Variants in ITPR1 observed in about 807,000 individuals in gnomAD.
The protein encoded by ITPR1 is inositol 1,4,5-trisphosphate-gated calcium channel ITPR1.
A neutral mutation model predicts 318.4 loss-of-function variants in ITPR1; 96 were observed. That is an observed-to-expected ratio of 0.30 (90% confidence interval 0.26 to 0.36). The LOEUF is 0.36. Among genes scored for constraint, ITPR1 ranks in the 10% least tolerant of loss-of-function variants. ITPR1 has a pLI of 1.00. For synonymous variants in ITPR1, 1,312 were observed against 1,289.9 expected (o/e 1.02, Z -0.37); for missense variants, 2,440 against 3,460.2 (o/e 0.71, Z 7.40).
At chr3:4,746,923 C>A (rs1255993466) in intron 44 of ITPR1, among the ~76,000 whole-genome samples, 1 of 152,240 alleles carries the variant, frequency 6.6e-6, no homozygotes, top group Non-Finnish European at 1.5e-5. Context: ...CTCCCCAGCA[C>A]TCAGACTGTA....
At chr3:4,521,905 A>G (rs2082600296) in intron 4 of ITPR1, among the ~76,000 whole-genome samples, 1 of 152,132 alleles carries the variant, frequency 6.6e-6, no homozygotes, top group African/African-American at 2.4e-5. Context: ...AAAACAAGAC[A>G]TAGGCAGGGC....
intron 37 of ITPR1, 63 bp downstream of exon 37, chr3:4,706,414 A>C: frequency 7.0e-7 from 1 of 1,431,202 alleles, no homozygotes; most frequent in Non-Finnish European, 9.5e-7. Context: ...CACACACAGC[A>C]GTGCATCCTT....
intron 13 of ITPR1, 118 bp from the exon 14 acceptor site, chr3:4,660,870 T>C (rs1389460212): frequency 3.8e-6 from 2 of 522,890 alleles, no homozygotes; most frequent in East Asian, 6.2e-5. Flanking sequence ...TACTGCCCAG[T>C]GTATGCAGTA....
chr3:4,759,708 A>T (rs1221178322), intron 44 of ITPR1, among the ~76,000 whole-genome samples: 1 of 152,158 alleles, frequency 6.6e-6, no homozygotes, highest in Non-Finnish European at 1.5e-5. Flanking sequence ...TTATCCTAAG[A>T]TGGTGTTTTG....
intron 4 of ITPR1, among the ~76,000 whole-genome samples, chr3:4,569,946 C>T (rs1275052974): frequency 6.6e-6 from 1 of 152,112 alleles, no homozygotes; most frequent in African/African-American, 2.4e-5. Flanking sequence ...GGGAGTTTAA[C>T]ATTTTTAAAT....
intron 3 of ITPR1, among the ~76,000 whole-genome samples, chr3:4,519,174 C>CT (rs1186830231): frequency 6.6e-6 from 1 of 152,140 alleles, no homozygotes; most frequent in East Asian, 1.9e-4. Context: ...GTCATCTGAG[C>CT]TTGACTGGGG....
intron 18 of ITPR1, among the ~76,000 whole-genome samples, chr3:4,668,479 T>G (rs1469800379): frequency 1.3e-5 from 2 of 152,046 alleles, no homozygotes; most frequent in African/African-American, 2.4e-5. Flanking sequence ...TTTTTCTTTT[T>G]TTTTTTAAGA....
At position 4,630,798 on chromosome 3, in the gene ITPR1, G is replaced by C. The variant is rs573078605; in HGVS notation, c.279+2920G>C. ...AGGCAGCATTTCACCATGTTGGCCA[G>C]GCTGGTCTCGAACTCCTGACCTCAA... is the stretch of plus-strand genomic sequence containing the variant. On this transcript the variant is annotated intron_variant, in intron 5 of 61. Coordinates refer to ENST00000649015, the MANE Select transcript of ITPR1 (RefSeq NM_001378452.1). Among the ~76,000 whole-genome samples the C allele has an allele frequency of 4.6e-5, 7 of 152,098 alleles. No homozygotes were observed. In the South Asian group the frequency reaches 1.0e-3, roughly 23 times the overall value.
At chr3:4,707,700 AG>A (rs1286619578) in intron 37 of ITPR1, among the ~76,000 whole-genome samples, 1 of 152,208 alleles carries the variant, frequency 6.6e-6, no homozygotes, top group African/African-American at 2.4e-5. Context: ...AGGAAAATAG[AG>A]TGCACATAAA....
intron 4 of ITPR1, among the ~76,000 whole-genome samples, chr3:4,584,571 T>G (rs1316494663): frequency 3.3e-5 from 5 of 151,648 alleles, no homozygotes; most frequent in East Asian, 1.9e-4. Context: ...TTTTTTTTTT[T>G]TGTGAAAGGA....
intron 53 of ITPR1, among the ~76,000 whole-genome samples, chr3:4,798,036 A>G (rs1192561779): frequency 5.3e-5 from 8 of 152,216 alleles, no homozygotes; most frequent in African/African-American, 1.7e-4. Context: ...CACTGCCGTT[A>G]TAGTGAGGAG....
At position 4,779,677 on chromosome 3, in the gene ITPR1, C is replaced by A; in HGVS notation, c.6387+32C>A. 6.9e-7 allele frequency: 1 copy of A among 1,447,848 alleles called. No homozygotes were observed. The highest frequency in any genetic ancestry group is 9.7e-7 in the Non-Finnish European group (1 of 1,030,286). The allele number at this position is 1,447,848 out of a possible 1,614,324, so 89.7% of individuals were successfully genotyped here. On this transcript the variant is annotated intron_variant, in intron 49 of 61. Transcript: ENST00000649015. The surrounding 1 kb of genome is among the most constrained non-coding windows in gnomAD (Gnocchi z 4.0). ...CGGGTGACGGATCTGATGGTAGCACCAAGGAGCATTGCGACGATATTTGGG... is the reference window on the plus strand; with the variant it reads ...CGGGTGACGGATCTGATGGTAGCACAAAGGAGCATTGCGACGATATTTGGG...
At chr3:4,533,616 CT>C (rs2083600036) in intron 4 of ITPR1, among the ~76,000 whole-genome samples, 1 of 152,240 alleles carries the variant, frequency 6.6e-6, no homozygotes, top group Admixed American at 6.5e-5. Flanking sequence ...CCTTTGCCAT[CT>C]TGTAAAACAT....
At chr3:4,642,325 A>C (rs1330892928) in intron 7 of ITPR1, 74 bp downstream of exon 7, 1 of 1,217,910 alleles carries the variant, frequency 8.2e-7, no homozygotes, top group Non-Finnish European at 1.1e-6. Context: ...AGAGTTAAGG[A>C]GGAGACGTTG....
intron 4 of ITPR1, among the ~76,000 whole-genome samples, chr3:4,607,088 G>A (rs1017677847): frequency 6.6e-6 from 1 of 152,100 alleles, no homozygotes; most frequent in African/African-American, 2.4e-5. Flanking sequence ...TATTTTCATG[G>A]GTGAGCTGTT....
intron 4 of ITPR1, among the ~76,000 whole-genome samples, chr3:4,547,622 C>G (rs2085150706): frequency 6.6e-6 from 1 of 152,232 alleles, no homozygotes; most frequent in Non-Finnish European, 1.5e-5. Context: ...ACCTTTGGAA[C>G]TTAGTTACTT....
intron 61 of ITPR1, among the ~76,000 whole-genome samples, chr3:4,837,395 CT>C (rs1180735459): frequency 1.3e-5 from 2 of 151,992 alleles, no homozygotes; most frequent in Non-Finnish European, 2.9e-5. Flanking sequence ...TGGAAAAGCC[CT>C]TTTGGTTTCA....
intron 4 of ITPR1, among the ~76,000 whole-genome samples, chr3:4,527,158 G>T (rs553924965): frequency 2.6e-5 from 4 of 152,086 alleles, no homozygotes; most frequent in Non-Finnish European, 5.9e-5. Flanking sequence ...TCTTCCAAAG[G>T]CTGGGCCCAG....
Position 4,782,681 on chromosome 3 carries a change from T to A in ITPR1, c.6450T>A (p.Gly2150=), listed in dbSNP as rs1300180568. Residue 2150 remains glycine, a synonymous_variant, in exon 50 of 62, where the codon GGT becomes GGA. Transcript: ENST00000649015. ...GEVEFEDGEN[G]EDGAASPRNV... is the part of the protein sequence containing the mutation. ...TGGAATTTGAGGATGGAGAAAACGG[T>A]GAGGATGGGGCGGCGTCCCCCAGGA... 1.2e-6 allele frequency: 2 copies of A among 1,603,812 alleles called. No homozygotes were observed. The highest frequency in any genetic ancestry group is 2.7e-5 in the African/African-American group (2 of 74,496).
Sources: gnomAD v4.1 joint callset for allele counts (sites outside exome capture counted in the v4.1 genomes callset) on GRCh38, gnomAD v4.1.1 for gene constraint, Gnocchi (gnomAD v3.1) non-coding constraint, MANE v1.5 for transcripts, NCBI Gene and HGNC (gene_info 2026-07-23, HGNC 2026-07-21) for gene names.